CHCHD6: variants seen among roughly 807,000 people sequenced by gnomAD.
CHCHD6 encodes MICOS complex subunit MIC25.
CHCHD6 carries 28 observed loss-of-function variants against 32.3 expected under a neutral mutation model. That is an observed-to-expected ratio of 0.87 (90% CI 0.64 to 1.19). The LOEUF (loss-of-function observed/expected upper bound fraction) is 1.19, where lower values mean the gene tolerates loss of function less well. CHCHD6 is among the 50% of genes most tolerant of loss of function. The pLI, the probability that CHCHD6 is intolerant of heterozygous loss-of-function variation, is 0.00. For synonymous variants in CHCHD6, 122 were observed against 117.5 expected, an observed-to-expected ratio of 1.04 and a Z score of -0.25; for missense variants, 333 against 307.0, an observed-to-expected ratio of 1.08 and a Z score of -0.63.
At chr3:126,794,868 A>G (rs1938718391) in intron 4 of CHCHD6, among the ~76,000 whole-genome samples, 1 of 152,212 alleles carries the variant, frequency 6.6e-6, no homozygotes, top group Non-Finnish European at 1.5e-5. Flanking sequence ...AGTCCCTAGG[A>G]CAATGCTCAG....
intron 3 of CHCHD6, among the ~76,000 whole-genome samples, chr3:126,732,668 A>G (rs1428966786): frequency 1.3e-5 from 2 of 152,204 alleles, no homozygotes; most frequent in African/African-American, 4.8e-5. Context: ...AAATAGGTCA[A>G]AGGGTAGGAA....
At chr3:126,955,315 G>A (rs1231306056) in intron 6 of CHCHD6, among the ~76,000 whole-genome samples, 1 of 152,280 alleles carries the variant, frequency 6.6e-6, no homozygotes, top group Non-Finnish European at 1.5e-5. Flanking sequence ...GAGCTGGGCA[G>A]AGGACTGCAC....
chr3:126,748,810 G>T (rs1239692882), intron 4 of CHCHD6, among the ~76,000 whole-genome samples: 1 of 152,134 alleles, frequency 6.6e-6, no homozygotes, highest in East Asian at 1.9e-4. Flanking sequence ...CCTGAGCAGG[G>T]CTGCAGCCCG....
chr3:126,881,590 C>T (rs1029580596), intron 5 of CHCHD6, among the ~76,000 whole-genome samples: 1 of 152,172 alleles, frequency 6.6e-6, no homozygotes, highest in African/African-American at 2.4e-5. Flanking sequence ...TACCACAAGT[C>T]GTTGCATCTC....
intron 5 of CHCHD6, among the ~76,000 whole-genome samples, chr3:126,877,891 T>C (rs1176623949): frequency 1.3e-5 from 2 of 152,246 alleles, no homozygotes; most frequent in East Asian, 3.8e-4. Flanking sequence ...CAAAATAAAA[T>C]GTATAGTTAA....
chr3:126,848,071 C>A (rs1430530760), intron 4 of CHCHD6, among the ~76,000 whole-genome samples: 1 of 152,182 alleles, frequency 6.6e-6, no homozygotes, highest in Non-Finnish European at 1.5e-5. Context: ...CCTCAAACTC[C>A]AGGGACCAAA....
At chr3:126,934,215 G>A (rs2078445105) in intron 6 of CHCHD6, among the ~76,000 whole-genome samples, 1 of 152,258 alleles carries the variant, frequency 6.6e-6, no homozygotes, top group Admixed American at 6.5e-5. Flanking sequence ...AAGGAGGTTT[G>A]TGCTGTAAAA....
At chr3:126,918,273 T>A (rs1162049086) in intron 6 of CHCHD6, among the ~76,000 whole-genome samples, 1 of 152,192 alleles carries the variant, frequency 6.6e-6, no homozygotes, top group Non-Finnish European at 1.5e-5. Flanking sequence ...GGAGTTTTCT[T>A]CTAAGACCAT....
At chr3:126,828,907 T>C (rs1361680027) in intron 4 of CHCHD6, among the ~76,000 whole-genome samples, 1 of 152,198 alleles carries the variant, frequency 6.6e-6, no homozygotes, top group Non-Finnish European at 1.5e-5. Context: ...TTATAAATTT[T>C]GTTGATCTTT....
intron 4 of CHCHD6, among the ~76,000 whole-genome samples, chr3:126,827,842 CAG>C (rs1940464240): frequency 6.6e-6 from 1 of 152,084 alleles, no homozygotes; most frequent in African/African-American, 2.4e-5. Context: ...GAAAATAAGC[CAG>C]AGAGTTTGTT....
chr3:126,920,977 C>T (rs944694539), intron 6 of CHCHD6, among the ~76,000 whole-genome samples: 1 of 151,732 alleles, frequency 6.6e-6, no homozygotes, highest in African/African-American at 2.4e-5. Context: ...TTTTTTTTTC[C>T]CTCGGGGAAG....
intron 3 of CHCHD6, among the ~76,000 whole-genome samples, chr3:126,731,363 A>G (rs1237548186): frequency 1.3e-5 from 2 of 152,124 alleles, no homozygotes; most frequent in African/African-American, 4.8e-5. Context: ...GTTTTAGCAA[A>G]GTGGTTAAGG....
At chr3:126,734,421 C>T (rs554389726) in intron 4 of CHCHD6, among the ~76,000 whole-genome samples, 2 of 152,282 alleles carry the variant, frequency 1.3e-5, no homozygotes, top group Non-Finnish European at 2.9e-5. Flanking sequence ...GGGTTGAACA[C>T]GATGTGAAAG....
At chr3:126,937,460 G>T (rs1365496456) in intron 6 of CHCHD6, among the ~76,000 whole-genome samples, 2 of 152,202 alleles carry the variant, frequency 1.3e-5, no homozygotes, top group Non-Finnish European at 2.9e-5. Flanking sequence ...CTCGGAGAAG[G>T]CTAGGGGAAG....
chr3:126,748,611 A>C (rs890474188), intron 4 of CHCHD6, among the ~76,000 whole-genome samples: 1 of 151,922 alleles, frequency 6.6e-6, no homozygotes, highest in East Asian at 1.9e-4. Flanking sequence ...AAAAAAAAAA[A>C]AGAAAGAAAA....
At chr3:126,885,974 C>G (rs571583041) in intron 5 of CHCHD6, among the ~76,000 whole-genome samples, 2 of 152,198 alleles carry the variant, frequency 1.3e-5, no homozygotes, top group Admixed American at 1.3e-4. Flanking sequence ...AACTCTGAGC[C>G]GGAACGGGCA....
At chr3:126,914,165 C>T (rs2078135530) in intron 5 of CHCHD6, among the ~76,000 whole-genome samples, 2 of 152,202 alleles carry the variant, frequency 1.3e-5, no homozygotes, top group South Asian at 2.1e-4. Flanking sequence ...CCCCGTTGCT[C>T]TGTGACTTTG....
intron 5 of CHCHD6, among the ~76,000 whole-genome samples, chr3:126,897,434 G>A (rs573475960): frequency 5.3e-5 from 8 of 152,338 alleles, no homozygotes; most frequent in African/African-American, 1.4e-4. Context: ...ATTATTAACA[G>A]AGCAAACCTA....
At chr3:126,835,038 A>C (rs574401482) in intron 4 of CHCHD6, among the ~76,000 whole-genome samples, 6 of 152,154 alleles carry the variant, frequency 3.9e-5, no homozygotes, top group South Asian at 4.1e-4. Context: ...TCCAGTTTCT[A>C]ATATCCATTC....
Sources: allele counts gnomAD v4.1 joint callset (sites outside exome capture counted in the v4.1 genomes callset), GRCh38; gene constraint gnomAD v4.1.1; transcripts MANE v1.5; gene names NCBI Gene and HGNC (gene_info 2026-07-23, HGNC 2026-07-21).